Variants in TMEM184C observed in about 807,000 individuals in gnomAD.
TMEM184C encodes the protein transmembrane protein 34.
A neutral mutation model predicts 54.5 loss-of-function variants in TMEM184C; 25 were observed. The observed-to-expected ratio is 0.46, with a 90% CI of 0.33 to 0.64. The LOEUF (loss-of-function observed/expected upper bound fraction) is 0.64, where lower values mean the gene tolerates loss of function less well. TMEM184C is among the 30% of genes least tolerant of loss of function. The pLI, the probability that TMEM184C is intolerant of heterozygous loss-of-function variation, is 0.02. For synonymous variants in TMEM184C, 148 were observed against 181.5 expected, an observed-to-expected ratio of 0.82 and a Z score of 1.49; for missense variants, 335 against 520.3, an observed-to-expected ratio of 0.64 and a Z score of 3.46.
chr4:147,617,659 A>C lies in TMEM184C; in HGVS notation c.-298A>C. The C allele has an allele frequency of 2.8e-6, 1 of 363,448 alleles. No individual in the cohort carries two copies. Among genetic ancestry groups the C allele is most frequent in the Non-Finnish European group, 5.4e-6 (1 of 186,646 alleles). 22.5% of individuals were successfully genotyped at this position (363,448 alleles called of 1,614,324 possible). ...CAGAGCTCAGGGCGATCCCCAGGTG[A>C]GGGCAGCGGCTCTGCCTGGGATTCC... On this transcript the variant is annotated 5_prime_UTR_variant, in exon 1 of 10. An upstream open reading frame in the 5' UTR loses its in-frame stop. Transcript: ENST00000296582.
intron 1 of TMEM184C, 90 bp downstream of exon 1, chr4:147,618,169 C>A: frequency 1.3e-6 from 2 of 1,573,908 alleles, no homozygotes; most frequent in Non-Finnish European, 8.7e-7. Flanking sequence ...TCTGCCCTGA[C>A]AGTCCTGAAA....
At chr4:147,624,364 ACT>A (rs1266345571) in intron 3 of TMEM184C, among the ~76,000 whole-genome samples, 1 of 149,974 alleles carries the variant, frequency 6.7e-6, no homozygotes, top group African/African-American at 2.5e-5. Flanking sequence ...TTAATATACT[ACT>A]CTTTTTATTT....
In TMEM184C at chr4:147,629,925, G is replaced by A. The variant is rs146343635; in HGVS notation, c.666+233G>A. On this transcript the variant is annotated intron_variant, in intron 6 of 9. Coordinates refer to ENST00000296582, the MANE Select transcript of TMEM184C (RefSeq NM_018241.3). ...TATTTGGCAACTTATACCCTCACAT[G>A]TTGACCATGTTTGTTCATTTATTTC... Among the ~76,000 whole-genome samples, 3 of 151,282 alleles carry A rather than the reference G, an allele frequency of 2.0e-5. No homozygotes were observed. The East Asian group carries it at 5.8e-4, about 29-fold the overall frequency.
intron 8 of TMEM184C, among the ~76,000 whole-genome samples, chr4:147,633,217 T>G (rs531651742): frequency 1.3e-5 from 2 of 152,172 alleles, no homozygotes; most frequent in African/African-American, 4.8e-5. Flanking sequence ...AGTCCAATTC[T>G]CTTTCCACAT....
In TMEM184C at chr4:147,617,841, C is replaced by T. The variant is rs184764371; in HGVS notation, c.-116C>T. On this transcript the variant is annotated 5_prime_UTR_variant, in exon 1 of 10. Transcript: ENST00000296582. ...GGCTCGAGCTGTTCGTAAAGTCGCCCGACAGCTTTTTCTCCGTAGTATGCG... is the reference window on the plus strand; with the variant it reads ...GGCTCGAGCTGTTCGTAAAGTCGCCTGACAGCTTTTTCTCCGTAGTATGCG... The T allele has an allele frequency of 6.2e-5, 92 of 1,481,512 alleles. No individual in the cohort carries two copies. The highest frequency in any genetic ancestry group is 8.2e-5 in the Non-Finnish European group (88 of 1,072,548). The allele number at this position is 1,481,512 out of a possible 1,614,324, so 91.8% of individuals were successfully genotyped here.
chr4:147,625,795 G>A (rs751541269), intron 4 of TMEM184C, among the ~76,000 whole-genome samples: 1 of 152,200 alleles, frequency 6.6e-6, no homozygotes, highest in Non-Finnish European at 1.5e-5. Flanking sequence ...CAGCCACCTA[G>A]ACAGAACCGA....
At chr4:147,622,635 A>T (rs1560951338) in intron 1 of TMEM184C, among the ~76,000 whole-genome samples, 1 of 152,212 alleles carries the variant, frequency 6.6e-6, no homozygotes, top group Non-Finnish European at 1.5e-5. Context: ...AATGAAATGG[A>T]TAAAAGCAAA....
At chr4:147,627,611 T>C (rs1392300739) in intron 4 of TMEM184C, among the ~76,000 whole-genome samples, 1 of 152,046 alleles carries the variant, frequency 6.6e-6, no homozygotes, top group East Asian at 1.9e-4. Context: ...AAACCACATC[T>C]CTACAGAAAA....
At position 147,634,258 on chromosome 4, in the gene TMEM184C, C is replaced by T; in HGVS notation, c.1141C>T (p.Gln381Ter). ...EHTSLLSSSS[Q>*]DAISIASSMP... Reference sequence around the variant, plus strand: ...TACAAGTTTATTATCATCATCATCACAAGATGCAATTTCCATTGCTTCTTC... The same window carrying T: ...TACAAGTTTATTATCATCATCATCATAAGATGCAATTTCCATTGCTTCTTC... The change falls in exon 10 of 10, where the codon CAA (glutamine) becomes TAA (stop). Residue 381 changes from glutamine to a stop codon, truncating the protein, a stop_gained. Coordinates refer to ENST00000296582, the MANE Select transcript of TMEM184C (RefSeq NM_018241.3). LOFTEE classifies it high-confidence loss of function. The T allele has an allele frequency of 6.2e-6, 10 of 1,614,172 alleles. No homozygotes were observed. Among genetic ancestry groups the T allele is most frequent in the Non-Finnish European group, 8.5e-6 (10 of 1,180,004 alleles).
intron 1 of TMEM184C, among the ~76,000 whole-genome samples, chr4:147,622,900 C>G (rs1051720199): frequency 5.9e-5 from 9 of 152,034 alleles, no homozygotes; most frequent in Non-Finnish European, 1.0e-4. Flanking sequence ...GTAGGTAGGA[C>G]TACAGGCACA....
chr4:147,635,670 T>C lies in TMEM184C; in HGVS notation c.*1236T>C, dbSNP rs1733017983. ...AGTGGTTCACAGTAATCATACAAAG[T>C]CTTTATTCCATCCACTATTATAAAC... On this transcript the variant is annotated 3_prime_UTR_variant, in exon 10 of 10. Coordinates refer to ENST00000296582, the MANE Select transcript of TMEM184C (RefSeq NM_018241.3). 1 of 152,150 alleles carries C rather than the reference T, an allele frequency of 6.6e-6. No individual in the cohort carries two copies. The highest frequency in any genetic ancestry group is 6.5e-5 in the Admixed American group (1 of 15,270). 9.4% of individuals were successfully genotyped at this position (152,150 alleles called of 1,614,324 possible).
chr4:147,622,244 C>T (rs1732724336), intron 1 of TMEM184C, among the ~76,000 whole-genome samples: 1 of 151,986 alleles, frequency 6.6e-6, no homozygotes. Context: ...CGCCTGGCCG[C>T]AGTACCATCC....
intron 6 of TMEM184C, among the ~76,000 whole-genome samples, chr4:147,630,925 C>T (rs1732904862): frequency 6.6e-6 from 1 of 152,064 alleles, no homozygotes; most frequent in Non-Finnish European, 1.5e-5. Context: ...ATACACCGCT[C>T]TCAGGAAAAA....
At chr4:147,633,082 C>A in intron 8 of TMEM184C, 80 bp downstream of exon 8, 2 of 1,212,746 alleles carry the variant, frequency 1.6e-6, no homozygotes, top group Non-Finnish European at 2.4e-6. Context: ...AACCTGACAA[C>A]ACACAGGGTA....
intron 3 of TMEM184C, among the ~76,000 whole-genome samples, chr4:147,624,588 TTG>T (rs1732776264): frequency 6.6e-6 from 1 of 152,174 alleles, no homozygotes; most frequent in Non-Finnish European, 1.5e-5. Context: ...CCTCAAACAC[TTG>T]TTTTTGTTTA....
chr4:147,633,165 T>C lies in TMEM184C; in HGVS notation c.879+163T>C, dbSNP rs1390238765. Among the ~76,000 whole-genome samples, 3 of 152,134 alleles carry C rather than the reference T, an allele frequency of 2.0e-5. No homozygotes were observed. In the South Asian group the frequency reaches 6.2e-4, roughly 32 times the overall value. ...GAGAAATTGGCCATAATTACTAATTTGTAGCAGATCCATGAATAAAACCTG... is the reference window on the plus strand; with the variant it reads ...GAGAAATTGGCCATAATTACTAATTCGTAGCAGATCCATGAATAAAACCTG... On this transcript the variant is annotated intron_variant, in intron 8 of 9. Transcript: ENST00000296582.
chr4:147,617,708 C>T lies in TMEM184C; in HGVS notation c.-249C>T, dbSNP rs1466531034. The T allele has an allele frequency of 4.6e-6, 2 of 437,458 alleles. No individual in the cohort carries two copies. The highest frequency in any genetic ancestry group is 2.0e-5 in the African/African-American group (1 of 49,842). 27.1% of individuals were successfully genotyped at this position (437,458 alleles called of 1,614,324 possible). Reference sequence around the variant, plus strand: ...CCACCGCAGTACAACCGGGTAGATGCGGGGTGGAGAAGAAAGGATGTTGCC... The same window carrying T: ...CCACCGCAGTACAACCGGGTAGATGTGGGGTGGAGAAGAAAGGATGTTGCC... On this transcript the variant is annotated 5_prime_UTR_variant, in exon 1 of 10. Transcript: ENST00000296582.
intron 2 of TMEM184C, 21 bp from the exon 3 acceptor site, chr4:147,624,041 T>C: frequency 1.9e-6 from 3 of 1,611,610 alleles, no homozygotes; most frequent in Non-Finnish European, 2.5e-6. Flanking sequence ...GTTTTAAATT[T>C]CTGTTTTCCT....
At position 147,632,974 on chromosome 4, in the gene TMEM184C, CTG is replaced by C; in HGVS notation, c.853_854del (p.Val285ArgfsTer15). The C allele has an allele frequency of 6.2e-7, 1 of 1,614,018 alleles. No homozygotes were observed. Among genetic ancestry groups the C allele is most frequent in the Non-Finnish European group, 8.5e-7 (1 of 1,179,964 alleles). ...GAAAAGCATACGTGGGAATGGCAAA[CTG>C]TAGAAGCTGTGGCCACCGGACTCCA... On this transcript the variant is annotated frameshift_variant, in exon 8 of 10. Coordinates refer to ENST00000296582, the MANE Select transcript of TMEM184C (RefSeq NM_018241.3). LOFTEE classifies it high-confidence loss of function.
Sources: allele counts gnomAD v4.1 joint callset (sites outside exome capture counted in the v4.1 genomes callset), GRCh38; gene constraint gnomAD v4.1.1; transcripts MANE v1.5; gene names NCBI Gene and HGNC (gene_info 2026-07-23, HGNC 2026-07-21).